SSH1: variants seen among roughly 807,000 people sequenced by gnomAD.
The protein encoded by SSH1 is slingshot protein phosphatase 1.
Under a neutral mutation model 79.7 loss-of-function variants are expected in SSH1, and 43 were observed. The observed-to-expected ratio is 0.54, with a 90% CI of 0.42 to 0.70. The LOEUF (loss-of-function observed/expected upper bound fraction) is 0.70, where lower values mean the gene tolerates loss of function less well. Among genes scored for constraint, SSH1 ranks in the 30% least tolerant of loss-of-function variants. The probability of loss-of-function intolerance (pLI) is 0.00; values close to 1 mark genes in which losing one functional copy is unlikely to be tolerated. For missense variants in SSH1, 1,206 were observed against 1,358.8 expected (o/e 0.89, Z 1.77); for synonymous variants, 599 against 538.3 (o/e 1.11, Z -1.56).
At chr12:108,844,731 A>C (rs2038859527) in intron 2 of SSH1, among the ~76,000 whole-genome samples, 1 of 152,194 alleles carries the variant, frequency 6.6e-6, no homozygotes, top group Non-Finnish European at 1.5e-5. Flanking sequence ...TCCAGTGATA[A>C]CAATCTGTCA....
At chr12:108,830,885 T>C (rs1180572620) in intron 2 of SSH1, among the ~76,000 whole-genome samples, 4 of 151,996 alleles carry the variant, frequency 2.6e-5, no homozygotes, top group Non-Finnish European at 4.4e-5. Flanking sequence ...GCTCAAGCGA[T>C]TGTTCCGCCT....
intron 2 of SSH1, among the ~76,000 whole-genome samples, chr12:108,826,910 A>G (rs1256141194): frequency 6.6e-6 from 1 of 152,080 alleles, no homozygotes; most frequent in Non-Finnish European, 1.5e-5. Context: ...TGAGTGTCCT[A>G]AAAGGAGTGA....
chr12:108,837,619 T>G (rs1211483245), intron 2 of SSH1, among the ~76,000 whole-genome samples: 2 of 152,212 alleles, frequency 1.3e-5, no homozygotes, highest in African/African-American at 4.8e-5. Flanking sequence ...AACGAGAATT[T>G]TTTATCGACG....
At chr12:108,819,109 G>C (rs1032846218) in intron 3 of SSH1, among the ~76,000 whole-genome samples, 1 of 152,176 alleles carries the variant, frequency 6.6e-6, no homozygotes, top group South Asian at 2.1e-4. Context: ...CCATAACCGG[G>C]GGGGCGGGGG....
chr12:108,849,274 G>A (rs2038964941), intron 2 of SSH1, among the ~76,000 whole-genome samples: 1 of 152,182 alleles, frequency 6.6e-6, no homozygotes, highest in Admixed American at 6.5e-5. Flanking sequence ...AGGGCCAGGT[G>A]CAGTGACTGT....
At chr12:108,855,800 A>G (rs1260504530) in intron 1 of SSH1, among the ~76,000 whole-genome samples, 8 of 152,194 alleles carry the variant, frequency 5.3e-5, no homozygotes, top group Non-Finnish European at 1.2e-4. Context: ...GCCTCTAATC[A>G]GCGTGTAGAG....
At chr12:108,795,235 C>T (rs1403643532) in intron 13 of SSH1, among the ~76,000 whole-genome samples, 1 of 152,006 alleles carries the variant, frequency 6.6e-6, no homozygotes, top group African/African-American at 2.4e-5. Context: ...CTCACAGCAG[C>T]TCTATTGGGT....
intron 2 of SSH1, among the ~76,000 whole-genome samples, chr12:108,848,653 T>C (rs1200947570): frequency 6.6e-6 from 1 of 152,206 alleles, no homozygotes; most frequent in Non-Finnish European, 1.5e-5. Flanking sequence ...ACTTTTCTTG[T>C]GTAGCGAGGA....
At position 108,781,348 on chromosome 12, in the gene SSH1, G is replaced by A. The variant is rs1475258672; in HGVS notation, c.*6640C>T. 2.6e-5 allele frequency: 4 copies of A among 152,094 alleles called. No homozygotes were observed. Among genetic ancestry groups the A allele is most frequent in the African/African-American group, 7.2e-5 (3 of 41,380 alleles). 9.4% of individuals were successfully genotyped at this position (152,094 alleles called of 1,614,324 possible). On this transcript the variant is annotated 3_prime_UTR_variant, in exon 15 of 15. Coordinates refer to ENST00000326495, the MANE Select transcript of SSH1 (RefSeq NM_018984.4). Reference sequence around the variant, plus strand: ...CTGAGGCAGGATTGCTGGAGCCCAGGAGATCAACACTTCAGTGAGCCATGA... The same window carrying A: ...CTGAGGCAGGATTGCTGGAGCCCAGAAGATCAACACTTCAGTGAGCCATGA...
intron 1 of SSH1, among the ~76,000 whole-genome samples, chr12:108,856,271 T>C (rs747227569): frequency 6.6e-6 from 1 of 152,180 alleles, no homozygotes; most frequent in African/African-American, 2.4e-5. Context: ...TCCCTGCAGC[T>C]ACAGAGGGCT....
chr12:108,820,870 T>C (rs1160044244), intron 3 of SSH1, among the ~76,000 whole-genome samples: 1 of 152,206 alleles, frequency 6.6e-6, no homozygotes, highest in Non-Finnish European at 1.5e-5. Context: ...TGGCGGCCCC[T>C]CTGCCTTCCG....
chr12:108,811,209 T>C, intron 6 of SSH1, 51 bp downstream of exon 6: 1 of 1,565,458 alleles, frequency 6.4e-7, no homozygotes, highest in East Asian at 2.2e-5. Flanking sequence ...AGCTCGTGTT[T>C]TCAATGCCTA....
chr12:108,821,912 G>A (rs1852936082), intron 3 of SSH1, among the ~76,000 whole-genome samples: 1 of 152,204 alleles, frequency 6.6e-6, no homozygotes, highest in Non-Finnish European at 1.5e-5. Flanking sequence ...GGCCACAATA[G>A]CTGGTTGGTT....
chr12:108,787,798 G>A lies in SSH1; in HGVS notation c.*190C>T, dbSNP rs964364446. 5 of 731,476 alleles carry A rather than the reference G, an allele frequency of 6.8e-6. No individual in the cohort carries two copies. The South Asian group carries it at 9.3e-5, about 14-fold the overall frequency. 45.3% of individuals were successfully genotyped at this position (731,476 alleles called of 1,614,324 possible). ...GTTCTCCCAGGCCACACGACTGACA[G>A]CTCCCCTTCTTGTGCTGCATGTTGG... On this transcript the variant is annotated 3_prime_UTR_variant, in exon 15 of 15. Coordinates refer to ENST00000326495, the MANE Select transcript of SSH1 (RefSeq NM_018984.4).
chr12:108,806,453 T>C lies in SSH1; in HGVS notation c.732-59A>G. 5 of 1,489,596 alleles carry C rather than the reference T, an allele frequency of 3.4e-6. No homozygotes were observed. The Admixed American group carries it at 8.4e-5, about 25-fold the overall frequency. 92.3% of individuals were successfully genotyped at this position (1,489,596 alleles called of 1,614,324 possible). ...CTGTAGAAAGCTTGTGGTCGGAGGT[T>C]ACAGGAATGCCAGATGCTCCTGGGT... On this transcript the variant is annotated intron_variant, in intron 8 of 14. Coordinates refer to ENST00000326495, the MANE Select transcript of SSH1 (RefSeq NM_018984.4).
chr12:108,833,779 T>C (rs898542865), intron 2 of SSH1: 1 of 152,226 alleles, frequency 6.6e-6, no homozygotes, highest in Non-Finnish European at 1.5e-5. Context: ...AGAAACTGGG[T>C]TTGTCATTTT....
At chr12:108,794,472 T>C (rs2036657679) in intron 13 of SSH1, among the ~76,000 whole-genome samples, 1 of 152,228 alleles carries the variant, frequency 6.6e-6, no homozygotes, top group East Asian at 1.9e-4. Context: ...TCCTTATCCC[T>C]GCCCTGATCC....
chr12:108,811,542 G>A (rs1398835952), intron 5 of SSH1: 1 of 614,396 alleles, frequency 1.6e-6, no homozygotes, highest in East Asian at 3.0e-5. Context: ...AGGCTTTTGG[G>A]TGCAGTGTGG....
At chr12:108,791,085 C>T (rs2036479423) in intron 14 of SSH1, among the ~76,000 whole-genome samples, 1 of 152,194 alleles carries the variant, frequency 6.6e-6, no homozygotes, top group African/African-American at 2.4e-5. Flanking sequence ...AGGCTGGATA[C>T]TTGACAACGT....
Sources: allele counts gnomAD v4.1 joint callset (sites outside exome capture counted in the v4.1 genomes callset), GRCh38; gene constraint gnomAD v4.1.1; transcripts MANE v1.5; gene names NCBI Gene and HGNC (gene_info 2026-07-23, HGNC 2026-07-21).